LRCH1: variants seen among roughly 807,000 people sequenced by gnomAD.
The protein encoded by LRCH1 is leucine-rich repeat and calponin homology domain-containing protein 1.
In LRCH1, 23 loss-of-function variants were observed where a neutral mutation model predicts 94.9. The ratio of observed to expected loss-of-function variants is 0.24; its 90% CI spans 0.17 to 0.34. The LOEUF (loss-of-function observed/expected upper bound fraction) is 0.34. LRCH1 is among the 10% of genes least tolerant of loss of function. The probability of loss-of-function intolerance (pLI) is 1.00; values close to 1 mark genes in which losing one functional copy is unlikely to be tolerated. For missense variants in LRCH1, 790 were observed against 945.9 expected (o/e 0.84, Z 2.16); for synonymous variants, 364 against 354.9 (o/e 1.03, Z -0.29).
At chr13:46,700,922 C>G (rs529170881) in intron 10 of LRCH1, among the ~76,000 whole-genome samples, 199 bp from the exon 11 acceptor site, 2 of 152,198 alleles carry the variant, frequency 1.3e-5, no homozygotes, top group African/African-American at 4.8e-5. Flanking sequence ...CAGAGCTGGG[C>G]TTCCCCTACT....
chr13:46,705,305 G>GT lies in LRCH1; in HGVS notation c.1527+2dup. On this transcript the variant is annotated splice_donor_variant, in intron 13 of 19. Coordinates refer to ENST00000389797, the MANE Select transcript of LRCH1 (RefSeq NM_001164211.2). LOFTEE classifies it high-confidence loss of function. ...GCTGGAGACATCTCCGGTGTGTGAG[G>GT]TAAGGCTGCTGGTAGATTCACCAGA... 6.2e-7 allele frequency: 1 copy of GT among 1,613,492 alleles called. No individual in the cohort carries two copies. The highest frequency in any genetic ancestry group is 8.5e-7 in the Non-Finnish European group (1 of 1,179,542).
chr13:46,660,988 C>A (rs2051440752), intron 2 of LRCH1, among the ~76,000 whole-genome samples: 1 of 152,158 alleles, frequency 6.6e-6, no homozygotes, highest in Non-Finnish European at 1.5e-5. Flanking sequence ...TTCTCCAGCA[C>A]CCCAGGTCAG....
chr13:46,560,068 A>G (rs2050112718), intron 1 of LRCH1, among the ~76,000 whole-genome samples: 1 of 148,640 alleles, frequency 6.7e-6, no homozygotes, highest in Non-Finnish European at 1.5e-5. Flanking sequence ...TTTCTATTAT[A>G]TCATTCAACT....
intron 1 of LRCH1, among the ~76,000 whole-genome samples, chr13:46,568,633 C>T (rs1437465389): frequency 6.6e-6 from 1 of 152,090 alleles, no homozygotes; most frequent in African/African-American, 2.4e-5. Context: ...ATATTGCATA[C>T]ATAGGAAGGA....
intron 1 of LRCH1, among the ~76,000 whole-genome samples, chr13:46,626,064 G>A (rs1008480011): frequency 5.9e-5 from 9 of 152,144 alleles, no homozygotes; most frequent in African/African-American, 9.7e-5. Context: ...GAGTTGTGGC[G>A]TGAAACCACT....
chr13:46,584,232 T>C (rs1372240546), intron 1 of LRCH1, among the ~76,000 whole-genome samples: 5 of 152,188 alleles, frequency 3.3e-5, no homozygotes, highest in African/African-American at 9.6e-5. Context: ...TAAAGTACTT[T>C]ACATATATAG....
chr13:46,697,145 CA>C (rs1871239139), intron 9 of LRCH1, among the ~76,000 whole-genome samples: 1 of 152,192 alleles, frequency 6.6e-6, no homozygotes, highest in Admixed American at 6.5e-5. Context: ...CAACCACAGT[CA>C]ATTTTCATTA....
intron 1 of LRCH1, among the ~76,000 whole-genome samples, chr13:46,619,643 TCA>T (rs2138020791): frequency 1.3e-5 from 2 of 152,258 alleles, no homozygotes; most frequent in African/African-American, 4.8e-5. Context: ...TAGAAAGAAA[TCA>T]CACGCGAAGC....
intron 15 of LRCH1, among the ~76,000 whole-genome samples, chr13:46,714,335 T>G (rs1435193110): frequency 6.6e-6 from 1 of 152,216 alleles, no homozygotes; most frequent in Non-Finnish European, 1.5e-5. Context: ...TATGGAAATT[T>G]ATTTCATTTT....
chr13:46,744,256 T>A lies in LRCH1; in HGVS notation c.*2408T>A. ...GTAGTCAGGGATGTCACTGAGTGGT[T>A]TATTGTGCTGACCAAATCTCCTCCT... On this transcript the variant is annotated 3_prime_UTR_variant, in exon 20 of 20. Transcript: ENST00000389797. The A allele has an allele frequency of 1.0e-6, 1 of 985,292 alleles. No individual in the cohort carries two copies. Among genetic ancestry groups the A allele is most frequent in the Non-Finnish European group, 1.2e-6 (1 of 829,924 alleles). The allele number at this position is 985,292 out of a possible 1,614,324, so 61.0% of individuals were successfully genotyped here. A position where few individuals can be genotyped will look rare whatever the true frequency, so the allele number is the denominator to read the frequency against.
At chr13:46,705,185 G>A (rs1443587902) in intron 12 of LRCH1, 28 bp downstream of exon 12, 1 of 1,592,934 alleles carries the variant, frequency 6.3e-7, no homozygotes, top group Non-Finnish European at 8.6e-7. Context: ...AACAAATTAT[G>A]TTTTCTCTTT....
rs561663785 is a variant in LRCH1, at chr13:46,732,244, G to A, written c.2008-1677G>A. Among the ~76,000 whole-genome samples, 12 of 152,326 alleles carry A rather than the reference G, an allele frequency of 7.9e-5. No homozygotes were observed. In the East Asian group the frequency reaches 2.3e-3, roughly 29 times the overall value. ...TTTGCCAAACTGAGGGAATATAGTAGTGAACAAAATCACTATCATTGTCAG... is the reference window on the plus strand; with the variant it reads ...TTTGCCAAACTGAGGGAATATAGTAATGAACAAAATCACTATCATTGTCAG... On this transcript the variant is annotated intron_variant, in intron 18 of 19. Transcript: ENST00000389797.
chr13:46,667,514 C>T (rs371744055), intron 2 of LRCH1, among the ~76,000 whole-genome samples: 3 of 86,980 alleles, frequency 3.4e-5, no homozygotes, highest in African/African-American at 4.7e-5. Flanking sequence ...CATCACACAC[C>T]GGGGCCTGTC....
At chr13:46,725,866 G>A (rs9534478) in intron 17 of LRCH1, among the ~76,000 whole-genome samples, 17,212 of 152,152 alleles carry the variant, frequency 0.11, 1,062 homozygotes, top group South Asian at 0.2. Flanking sequence ...ACTAAGATCA[G>A]AAGCTGAGCT....
At chr13:46,673,301 T>C (rs1353273475) in intron 3 of LRCH1, among the ~76,000 whole-genome samples, 1 of 152,170 alleles carries the variant, frequency 6.6e-6, no homozygotes, top group Non-Finnish European at 1.5e-5. Context: ...AAGCGTGATC[T>C]TTGGAAAAGC....
intron 16 of LRCH1, chr13:46,717,758 T>TA (rs1403576333): frequency 1.3e-5 from 2 of 152,270 alleles, no homozygotes; most frequent in Admixed American, 6.5e-5. Flanking sequence ...GTCCTTTTTT[T>TA]ACCTTGCTCA....
intron 1 of LRCH1, among the ~76,000 whole-genome samples, chr13:46,635,864 G>A (rs2051080965): frequency 6.6e-6 from 1 of 151,842 alleles, no homozygotes; most frequent in Non-Finnish European, 1.5e-5. Context: ...ATTCCCATCA[G>A]CATACAAACA....
At chr13:46,674,722 T>A (rs1350743479) in intron 3 of LRCH1, among the ~76,000 whole-genome samples, 1 of 152,264 alleles carries the variant, frequency 6.6e-6, no homozygotes, top group Non-Finnish European at 1.5e-5. Context: ...TTATTTCATA[T>A]AGTCTTGAAA....
intron 13 of LRCH1, among the ~76,000 whole-genome samples, chr13:46,709,651 A>AG (rs940368764): frequency 6.6e-6 from 1 of 152,162 alleles, no homozygotes; most frequent in African/African-American, 2.4e-5. Context: ...GAAAACCTCA[A>AG]GAAAAAAAAA....
Sources: allele counts gnomAD v4.1 joint callset (sites outside exome capture counted in the v4.1 genomes callset), GRCh38; gene constraint gnomAD v4.1.1; transcripts MANE v1.5; gene names NCBI Gene and HGNC (gene_info 2026-07-23, HGNC 2026-07-21).